The following PCDHGB2 variants were observed in gnomAD, a reference collection of about 807,000 sequenced individuals.
PCDHGB2 encodes protocadherin gamma subfamily B, 2.
PCDHGB2 carries 55 observed loss-of-function variants against 59.3 expected under a neutral mutation model. The ratio of observed to expected loss-of-function variants is 0.93; its 90% CI spans 0.75 to 1.16. The LOEUF (loss-of-function observed/expected upper bound fraction) is 1.16, where lower values mean the gene tolerates loss of function less well. Ranked by LOEUF, PCDHGB2 falls within the 50% of genes most tolerant of loss-of-function variation. PCDHGB2 has a pLI of 0.00. For missense variants in PCDHGB2, 1,228 were observed against 1,198.5 expected, an observed-to-expected ratio of 1.02 and a Z score of -0.36; for synonymous variants, 516 against 512.0, an observed-to-expected ratio of 1.01 and a Z score of -0.11.
chr5:141,389,850 GC>G (rs757946267), intron 1 of PCDHGB2: 1 of 1,614,070 alleles, frequency 6.2e-7, no homozygotes, highest in Non-Finnish European at 8.5e-7. Context: ...CTCGGCCACT[GC>G]CACGTTGCAC....
At chr5:141,504,113 C>A (rs568207803) in intron 2 of PCDHGB2, among the ~76,000 whole-genome samples, 1 of 152,220 alleles carries the variant, frequency 6.6e-6, no homozygotes, top group Non-Finnish European at 1.5e-5. Flanking sequence ...TGTGTGTGTG[C>A]CAGGGCTGTT....
chr5:141,465,881 G>T (rs1000308014), intron 1 of PCDHGB2, among the ~76,000 whole-genome samples: 1 of 151,960 alleles, frequency 6.6e-6, no homozygotes, highest in African/African-American at 2.4e-5. Flanking sequence ...CCAGCACTTT[G>T]GGAGGCCGAG....
chr5:141,398,329 G>A, intron 1 of PCDHGB2: 2 of 1,358,092 alleles, frequency 1.5e-6, no homozygotes, highest in African/African-American at 1.5e-5. Flanking sequence ...AAAACTGCGC[G>A]TCAGTTCGGA....
intron 1 of PCDHGB2, chr5:141,409,446 C>A: frequency 6.2e-7 from 1 of 1,613,984 alleles, no homozygotes; most frequent in Middle Eastern, 1.6e-4. Flanking sequence ...CGAGAGCAGA[C>A]ACCAGAATAC....
chr5:141,453,050 C>A (rs2098754757), intron 1 of PCDHGB2, among the ~76,000 whole-genome samples: 3 of 152,006 alleles, frequency 2.0e-5, no homozygotes, highest in Non-Finnish European at 4.4e-5. Context: ...CTATTATGTG[C>A]AGTTTTAGAG....
At chr5:141,422,122 A>C in intron 1 of PCDHGB2, 1 of 1,601,714 alleles carries the variant, frequency 6.2e-7, no homozygotes, top group Non-Finnish European at 8.5e-7. Context: ...GGATTCACAA[A>C]CTGGAGAAGT....
At chr5:141,399,977 T>C (rs1166854292) in intron 1 of PCDHGB2, 1 of 1,612,262 alleles carries the variant, frequency 6.2e-7, no homozygotes, top group African/African-American at 1.3e-5. Flanking sequence ...AGCCTGGGGC[T>C]GCGCACAGGA....
rs1242362767 is a variant in PCDHGB2, at chr5:141,361,276, G to A, written c.1141G>A (p.Glu381Lys). The A allele has an allele frequency of 3.7e-6, 6 of 1,613,950 alleles. No individual in the cohort carries two copies. The highest frequency in any genetic ancestry group is 2.2e-5 in the East Asian group (1 of 44,880). ...TRDRDSGENG[E>K]VYCQVLGNAK... Reference sequence around the variant, plus strand: ...AGACAGAGACTCTGGAGAAAATGGAGAAGTTTACTGCCAAGTGTTGGGAAA... The same window carrying A: ...AGACAGAGACTCTGGAGAAAATGGAAAAGTTTACTGCCAAGTGTTGGGAAA... The change falls in exon 1 of 4, where the codon GAA becomes AAA. Residue 381 changes from glutamate to lysine, a missense_variant. Glu to Lys is a moderately conservative substitution (Grantham distance 56). Around this residue, in one of 3 missense-constraint regions of PCDHGB2, gnomAD observed 781 missense variants for 721.6 expected, o/e 1.08. Coordinates refer to ENST00000522605, the MANE Select transcript of PCDHGB2 (RefSeq NM_018923.3).
chr5:141,383,788 C>T (rs1375292315), intron 1 of PCDHGB2: 2 of 1,613,944 alleles, frequency 1.2e-6, no homozygotes, highest in Non-Finnish European at 1.7e-6. Context: ...TCTGAACTCG[C>T]TTACAGGAGA....
intron 1 of PCDHGB2, chr5:141,372,113 G>T (rs1466708600): frequency 1.9e-6 from 3 of 1,613,786 alleles, no homozygotes; most frequent in Non-Finnish European, 2.5e-6. Flanking sequence ...AAGGCTCTGC[G>T]CTCTTCGATA....
At chr5:141,470,182 G>A (rs540599468) in intron 1 of PCDHGB2, among the ~76,000 whole-genome samples, 1 of 152,262 alleles carries the variant, frequency 6.6e-6, no homozygotes, top group Non-Finnish European at 1.5e-5. Context: ...AAATATTCAA[G>A]TAAACTTCAG....
intron 1 of PCDHGB2, chr5:141,405,281 G>A (rs1001215863): frequency 1.2e-6 from 2 of 1,614,158 alleles, no homozygotes; most frequent in Non-Finnish European, 1.7e-6. Flanking sequence ...CAACTATGCA[G>A]ACACACTCAT....
chr5:141,375,800 A>C, intron 1 of PCDHGB2: 1 of 1,614,162 alleles, frequency 6.2e-7, no homozygotes, highest in Non-Finnish European at 8.5e-7. Context: ...AGACGGTTCC[A>C]CTGGCGTGGA....
intron 1 of PCDHGB2, among the ~76,000 whole-genome samples, chr5:141,480,216 C>T (rs1055544952): frequency 1.9e-4 from 28 of 147,036 alleles, no homozygotes; most frequent in Non-Finnish European, 3.6e-4. Flanking sequence ...CCAGCCTGAG[C>T]GACATAGTGA....
At chr5:141,397,824 A>G (rs2093574037) in intron 1 of PCDHGB2, among the ~76,000 whole-genome samples, 3 of 152,240 alleles carry the variant, frequency 2.0e-5, no homozygotes, top group Admixed American at 2.0e-4. Flanking sequence ...CAATTACTGC[A>G]CTGGTTAACT....
At chr5:141,384,983 T>C (rs944174966) in intron 1 of PCDHGB2, 1 of 1,614,026 alleles carries the variant, frequency 6.2e-7, no homozygotes, top group Non-Finnish European at 8.5e-7. Context: ...TACCTGGTGG[T>C]GGCGGTGGCC....
chr5:141,485,358 G>T lies in PCDHGB2; in HGVS notation c.2422-9449G>T. 1.2e-6 allele frequency: 2 copies of T among 1,614,100 alleles called. No individual in the cohort carries two copies. Among genetic ancestry groups the T allele is most frequent in the Non-Finnish European group, 1.7e-6 (2 of 1,180,006 alleles). On this transcript the variant is annotated intron_variant, in intron 1 of 3. Coordinates refer to ENST00000522605, the MANE Select transcript of PCDHGB2 (RefSeq NM_018923.3). This position sits in a 1 kb window ranked among gnomAD's most constrained non-coding sequence, Gnocchi z 5.7. ...CTGGATACGGACAGTCTGTCAGCTC[G>T]CAGGCTGCAGGTCGCTGGAGAGGTG...
chr5:141,403,754 G>A (rs2094451238), intron 1 of PCDHGB2: 1 of 1,613,768 alleles, frequency 6.2e-7, no homozygotes, highest in African/African-American at 1.3e-5. Flanking sequence ...AACAGCCAGC[G>A]ACCTGGATGA....
intron 1 of PCDHGB2, among the ~76,000 whole-genome samples, chr5:141,450,726 A>G (rs1302961852): frequency 2.0e-5 from 3 of 151,932 alleles, no homozygotes; most frequent in Admixed American, 2.0e-4. Flanking sequence ...ACCTCAGGTG[A>G]TCCGCCCGCC....
Sources: allele counts gnomAD v4.1 joint callset (sites outside exome capture counted in the v4.1 genomes callset), GRCh38; gene constraint gnomAD v4.1.1; regional missense constraint gnomAD v4.1.1; non-coding constraint Gnocchi (gnomAD v3.1); transcripts MANE v1.5; gene names NCBI Gene and HGNC (gene_info 2026-07-23, HGNC 2026-07-21).